Variants in RAB10 observed in about 807,000 individuals in gnomAD.
The protein encoded by RAB10 is RAB10, member RAS oncogene family.
RAB10 carries 5 observed loss-of-function variants against 25.7 expected under a neutral mutation model. That is an observed-to-expected ratio of 0.19 (90% CI 0.10 to 0.41). The LOEUF (loss-of-function observed/expected upper bound fraction) is 0.41. Among genes scored for constraint, RAB10 ranks in the 10% least tolerant of loss-of-function variants. RAB10 has a pLI of 1.00. For synonymous variants in RAB10, 89 were observed against 86.4 expected, an observed-to-expected ratio of 1.03 and a Z score of -0.16; for missense variants, 103 against 245.8, an observed-to-expected ratio of 0.42 and a Z score of 3.89.
At chr2:26,058,890 A>T (rs1238978736) in intron 1 of RAB10, among the ~76,000 whole-genome samples, 2 of 152,196 alleles carry the variant, frequency 1.3e-5, no homozygotes, top group Non-Finnish European at 2.9e-5. Flanking sequence ...CACAGTAATT[A>T]ATATGACTTC....
intron 1 of RAB10, among the ~76,000 whole-genome samples, chr2:26,068,055 G>T (rs565658881): frequency 1.7e-3 from 261 of 152,300 alleles, no homozygotes; most frequent in African/African-American, 5.6e-3. Flanking sequence ...ATCTATTTCA[G>T]AGGATGGTCA....
At chr2:26,122,152 T>C (rs1009621767) in intron 3 of RAB10, among the ~76,000 whole-genome samples, 5 of 152,232 alleles carry the variant, frequency 3.3e-5, no homozygotes, top group African/African-American at 1.2e-4. Context: ...TCTGCAGCTG[T>C]GGTTGCCCGT....
At chr2:26,041,543 C>CAAAAAAAAAAAAA (rs1230627488) in intron 1 of RAB10, among the ~76,000 whole-genome samples, 1 of 44,628 alleles carries the variant, frequency 2.2e-5, no homozygotes, top group African/African-American at 8.5e-5. Flanking sequence ...GACGCTGACT[C>CAAAAAAAAAAAAA]AAAAAAAAAA....
In RAB10 at chr2:26,034,115, G is replaced by A. The variant is rs1665700833; in HGVS notation, c.-494G>A. On this transcript the variant is annotated 5_prime_UTR_variant, in exon 1 of 6. Transcript: ENST00000264710. ...GGCAGCGCGCACGCCGGCGTGAGAG[G>A]GCACGGGGAAAAGGTGGCTCTGGCC... is the stretch of plus-strand genomic sequence containing the variant. 2.5e-6 allele frequency: 1 copy of A among 403,820 alleles called. No homozygotes were observed. Among genetic ancestry groups the A allele is most frequent in the Admixed American group, 4.2e-5 (1 of 23,654 alleles). The allele number at this position is 403,820 out of a possible 1,614,324, so 25.0% of individuals were successfully genotyped here.
intron 1 of RAB10, among the ~76,000 whole-genome samples, chr2:26,089,422 CAAAAA>C (rs11315031): frequency 1.6e-5 from 2 of 128,474 alleles, no homozygotes; most frequent in Admixed American, 7.7e-5. Context: ...GACTCTGTCT[CAAAAA>C]AAAAAAAAAA....
chr2:26,040,736 A>G (rs1665866369), intron 1 of RAB10, among the ~76,000 whole-genome samples: 1 of 152,198 alleles, frequency 6.6e-6, no homozygotes, highest in African/African-American at 2.4e-5. Flanking sequence ...CCTGACTGCC[A>G]AAATAAGGCA....
intron 2 of RAB10, among the ~76,000 whole-genome samples, chr2:26,102,943 G>A (rs1451772098): frequency 6.6e-6 from 1 of 152,218 alleles, no homozygotes; most frequent in Non-Finnish European, 1.5e-5. Context: ...TCTTGATTTA[G>A]AGCATTGTTA....
At chr2:26,120,936 A>G (rs1239198993) in intron 3 of RAB10, among the ~76,000 whole-genome samples, 2 of 135,364 alleles carry the variant, frequency 1.5e-5, no homozygotes, top group East Asian at 4.4e-4. Flanking sequence ...TCCCGAGACA[A>G]AGTCTTGCTC....
At chr2:26,074,803 G>C (rs572215949) in intron 1 of RAB10, among the ~76,000 whole-genome samples, 2 of 152,262 alleles carry the variant, frequency 1.3e-5, no homozygotes, top group African/African-American at 4.8e-5. Context: ...TATTAACCTC[G>C]TGTGCCTGAA....
chr2:26,114,333 T>G (rs1319965355), intron 3 of RAB10, among the ~76,000 whole-genome samples: 1 of 152,180 alleles, frequency 6.6e-6, no homozygotes, highest in South Asian at 2.1e-4. Flanking sequence ...CTTTCTGGTT[T>G]TAAAACTTAA....
chr2:26,100,487 A>C (rs1278070123), intron 2 of RAB10, among the ~76,000 whole-genome samples: 1 of 152,216 alleles, frequency 6.6e-6, no homozygotes, highest in Non-Finnish European at 1.5e-5. Flanking sequence ...ATAAAAAAGA[A>C]GTGATACGTT....
At chr2:26,076,931 C>T (rs142821461) in intron 1 of RAB10, among the ~76,000 whole-genome samples, 3,524 of 129,298 alleles carry the variant, frequency 0.027, 143 homozygotes, top group African/African-American at 0.098. Flanking sequence ...GGGACAAGAG[C>T]GAGGAAAAAA....
rs546748072 is a variant in RAB10, at chr2:26,037,545, A to G, written c.127+2810A>G. On this transcript the variant is annotated intron_variant, in intron 1 of 5. Transcript: ENST00000264710. ...TCCCAGTTACTCAGGAGGCTGAGGCAGGAGAATCGCTTGAACCCGGGAGAC... is the reference window on the plus strand; with the variant it reads ...TCCCAGTTACTCAGGAGGCTGAGGCGGGAGAATCGCTTGAACCCGGGAGAC... Among the ~76,000 whole-genome samples the G allele has an allele frequency of 1.6e-4, 24 of 152,242 alleles. No individual in the cohort carries two copies. The South Asian group carries it at 4.8e-3, about 30-fold the overall frequency.
At chr2:26,092,909 G>T (rs766732292) in intron 1 of RAB10, among the ~76,000 whole-genome samples, 34 of 152,106 alleles carry the variant, frequency 2.2e-4, no homozygotes, top group Non-Finnish European at 4.0e-4. Flanking sequence ...GTGGGTAAAT[G>T]ACCCTTTTTT....
intron 1 of RAB10, among the ~76,000 whole-genome samples, chr2:26,053,536 A>G (rs1666178928): frequency 2.6e-5 from 4 of 152,202 alleles, no homozygotes; most frequent in South Asian, 4.1e-4. Context: ...TGGGTCCTAT[A>G]TATCATAGCA....
intron 1 of RAB10, among the ~76,000 whole-genome samples, chr2:26,049,204 G>C (rs914495207): frequency 1.1e-5 from 1 of 94,460 alleles, no homozygotes; most frequent in South Asian, 3.2e-4. Context: ...TTTTTTTTTT[G>C]CTTGTGGAAG....
At chr2:26,038,618 T>C (rs1289651024) in intron 1 of RAB10, among the ~76,000 whole-genome samples, 1 of 152,076 alleles carries the variant, frequency 6.6e-6, no homozygotes. Context: ...ATTAGCTCTG[T>C]GCACAGGTTT....
chr2:26,082,092 A>C (rs1666881982), intron 1 of RAB10, among the ~76,000 whole-genome samples: 3 of 152,184 alleles, frequency 2.0e-5, no homozygotes, highest in African/African-American at 7.2e-5. Context: ...AATTGTTTAC[A>C]GTAAAATATT....
intron 3 of RAB10, among the ~76,000 whole-genome samples, chr2:26,117,439 C>T (rs1302546758): frequency 6.6e-6 from 1 of 151,910 alleles, no homozygotes; most frequent in Non-Finnish European, 1.5e-5. Flanking sequence ...CGGTGAAACC[C>T]CGTCTCTACT....
Sources: gnomAD v4.1 joint callset for allele counts (sites outside exome capture counted in the v4.1 genomes callset) on GRCh38, gnomAD v4.1.1 for gene constraint, MANE v1.5 for transcripts, NCBI Gene and HGNC (gene_info 2026-07-23, HGNC 2026-07-21) for gene names.